The following TMF1 variants were observed in gnomAD, a reference collection of about 807,000 sequenced individuals.
TMF1 encodes the protein TATA element modulatory factor.
TMF1 carries 71 observed loss-of-function variants against 126.5 expected under a neutral mutation model. The ratio of observed to expected loss-of-function variants is 0.56; its 90% CI spans 0.46 to 0.68. The LOEUF is 0.68. Ranked by LOEUF, TMF1 falls within the 30% of genes least tolerant of loss-of-function variation. TMF1 has a pLI of 0.00. For missense variants in TMF1, 1,259 were observed against 1,253.2 expected (o/e 1.00, Z -0.07); for synonymous variants, 461 against 430.5 (o/e 1.07, Z -0.88).
chr3:69,045,806 T>G (rs2091892458), intron 2 of TMF1, among the ~76,000 whole-genome samples: 1 of 152,060 alleles, frequency 6.6e-6, no homozygotes, highest in Admixed American at 6.6e-5. Flanking sequence ...ATGCTTATAA[T>G]CCCAGCACTG....
At chr3:69,038,159 ATGATT>A (rs1325194382) in intron 8 of TMF1, among the ~76,000 whole-genome samples, 2 of 152,230 alleles carry the variant, frequency 1.3e-5, no homozygotes, top group African/African-American at 4.8e-5. Flanking sequence ...CCATCAACTG[ATGATT>A]TGATAAGACA....
chr3:69,038,750 T>C (rs2091846856), intron 7 of TMF1, 30 bp from the exon 8 acceptor site: 2 of 1,598,634 alleles, frequency 1.3e-6, no homozygotes, highest in Admixed American at 1.8e-5. Context: ...TTTATAAATG[T>C]TGCCAGTGAT....
chr3:69,031,010 C>T (rs974614669), intron 10 of TMF1, among the ~76,000 whole-genome samples: 1 of 152,120 alleles, frequency 6.6e-6, no homozygotes, highest in Non-Finnish European at 1.5e-5. Flanking sequence ...GTCCCTTGTG[C>T]AGTGAATGGT....
At chr3:69,024,305 T>TA in intron 15 of TMF1, 125 bp from the exon 16 acceptor site, 1 of 840,718 alleles carries the variant, frequency 1.2e-6, no homozygotes, top group Non-Finnish European at 1.7e-6. Context: ...TGTCAACATA[T>TA]AACCTTGAGC....
rs766738297 is a variant in TMF1 at position 69,038,877 on chromosome 3, G to A, written c.1960C>T (p.Arg654Ter). 7 of 1,609,918 alleles carry A rather than the reference G, an allele frequency of 4.3e-6. No homozygotes were observed. Among genetic ancestry groups the A allele is most frequent in the Admixed American group, 3.4e-5 (2 of 59,216 alleles). The change falls in exon 7 of 17, where the codon CGA (arginine) becomes TGA (stop). Residue 654 changes from arginine (R) to a stop codon, truncating the protein, a stop_gained. Transcript: ENST00000398559. LOFTEE classifies it high-confidence loss of function. ...VDMDELEEKNRSIQAALDSAY... is the reference protein window; with the variant it reads ...VDMDELEEKN ...CTATCCAGGGCAGCCTGAATACTTC[G>A]GTTCTTTTCTTCAAGTTCATCCATG...
intron 14 of TMF1, 72 bp downstream of exon 14, chr3:69,025,924 C>T (rs2091764787): frequency 3.0e-6 from 4 of 1,330,470 alleles, no homozygotes; most frequent in Admixed American, 1.9e-5. Context: ...TGATGACAGA[C>T]AATATTGCCA....
In TMF1 at chr3:69,047,817, G is replaced by A; in HGVS notation, c.888C>T (p.Leu296=). 2 of 1,614,068 alleles carry A rather than the reference G, an allele frequency of 1.2e-6. No individual in the cohort carries two copies. Among genetic ancestry groups the A allele is most frequent in the South Asian group, 2.2e-5 (2 of 91,078 alleles). ...LHLMQTSFQL[L]SASACPEYNR... is the part of the protein sequence containing the mutation. Reference sequence around the variant, plus strand: ...TATATTCAGGACAAGCAGATGCAGAGAGAAGCTGAAAAGATGTCTGCATCA... The same window carrying A: ...TATATTCAGGACAAGCAGATGCAGAAAGAAGCTGAAAAGATGTCTGCATCA... Residue 296 remains leucine (L), a synonymous_variant, in exon 2 of 17, where the codon CTC becomes CTT. Coordinates refer to ENST00000398559, the MANE Select transcript of TMF1 (RefSeq NM_007114.3).
rs1375399924 is a variant in TMF1 at position 69,047,893 on chromosome 3, C to T, written c.812G>A (p.Ser271Asn). ...AGTCTCTTGTCTCGAGCTCGCTGAG[C>T]TCTCACTTATTACACTTTCATGATC... ...VLDHESVISESSASSRQETTD... is the reference protein window; with the variant it reads ...VLDHESVISENSASSRQETTD... The change falls in exon 2 of 17, where the codon AGC (serine) becomes AAC (asparagine). Residue 271 changes from serine (S) to asparagine (N), a missense_variant. Transcript: ENST00000398559. The T allele has an allele frequency of 6.2e-7, 1 of 1,613,916 alleles. No individual in the cohort carries two copies. Among genetic ancestry groups the T allele is most frequent in the Non-Finnish European group, 8.5e-7 (1 of 1,180,014 alleles).
chr3:69,039,273 A>C (rs141271498), intron 6 of TMF1, among the ~76,000 whole-genome samples: 5 of 152,214 alleles, frequency 3.3e-5, no homozygotes, highest in Admixed American at 6.5e-5. Flanking sequence ...AGGTTGGTGC[A>C]GTATTTTTAG....
Position 69,048,160 on chromosome 3 carries a change from T to C in TMF1, c.545A>G (p.Asn182Ser). ...TGGCACCTTCATATCCGATTCTTTA[T>C]TAACAGTTTCTTCGTGCTTGCCTTC... ...KTEGKHEETV[N>S]KESDMKVPTV... is the part of the protein sequence containing the mutation. Residue 182 changes from asparagine to serine, a missense_variant, in exon 2 of 17, where the codon AAT becomes AGT. Asn to Ser is a conservative substitution (Grantham distance 46, BLOSUM62 1). Coordinates refer to ENST00000398559, the MANE Select transcript of TMF1 (RefSeq NM_007114.3). 1 of 1,614,234 alleles carries C rather than the reference T, an allele frequency of 6.2e-7. No individual in the cohort carries two copies. The highest frequency in any genetic ancestry group is 1.1e-5 in the South Asian group (1 of 91,088).
intron 6 of TMF1, among the ~76,000 whole-genome samples, 181 bp from the exon 7 acceptor site, chr3:69,039,190 A>G (rs958731208): frequency 1.3e-5 from 2 of 152,034 alleles, no homozygotes; most frequent in African/African-American, 4.8e-5. Context: ...GCTTCAGGCA[A>G]TTTTCGTGCC....
At chr3:69,038,518 A>G (rs897270842) in intron 8 of TMF1, 46 bp downstream of exon 8, 1 of 1,585,526 alleles carries the variant, frequency 6.3e-7, no homozygotes, top group Non-Finnish European at 8.6e-7. Context: ...GTAGAAGCAT[A>G]AACAAATATT....
rs1575807444 is a variant in TMF1, at chr3:69,025,711, T to C, written c.2861A>G (p.Asp954Gly). 1 of 1,610,836 alleles carries C rather than the reference T, an allele frequency of 6.2e-7. No homozygotes were observed. ...AGLQTSFLSQ[D>G]ESHDHSFGPM... is the part of the protein sequence containing the mutation. ...TCCAAATGAGTGATCATGAGACTCA[T>C]CCTATGTTAATTAAGAAAGTTCACA... The change falls in exon 15 of 17, where the codon GAT (aspartate) becomes GGT (glycine). Residue 954 changes from aspartate (D) to glycine (G), a missense_variant and splice_region_variant. Asp to Gly is a moderately conservative substitution (Grantham distance 94). Coordinates refer to ENST00000398559, the MANE Select transcript of TMF1 (RefSeq NM_007114.3).
chr3:69,042,352 T>C (rs1170378896), intron 5 of TMF1: 1 of 455,886 alleles, frequency 2.2e-6, no homozygotes, highest in African/African-American at 2.0e-5. Context: ...CTGTTTATTT[T>C]AAATCTTTTC....
At chr3:69,025,938 G>A in intron 14 of TMF1, 58 bp downstream of exon 14, 1 of 1,406,642 alleles carries the variant, frequency 7.1e-7, no homozygotes, top group East Asian at 2.3e-5. Context: ...ATTGCCATTT[G>A]CATATTTCCT....
At chr3:69,030,468 G>A (rs893273002) in intron 10 of TMF1, 2 of 152,412 alleles carry the variant, frequency 1.3e-5, no homozygotes, top group Admixed American at 1.3e-4. Context: ...GCCATAGAAA[G>A]AAAAACTGAC....
At chr3:69,030,975 G>C (rs113488852) in intron 10 of TMF1, among the ~76,000 whole-genome samples, 1 of 152,188 alleles carries the variant, frequency 6.6e-6, no homozygotes, top group Non-Finnish European at 1.5e-5. Flanking sequence ...ATCTGTAATA[G>C]CCAGAGCTTG....
In TMF1 at chr3:69,043,860, T is replaced by C; in HGVS notation, c.1468A>G (p.Lys490Glu). 1 of 1,606,798 alleles carries C rather than the reference T, an allele frequency of 6.2e-7. No individual in the cohort carries two copies. The highest frequency in any genetic ancestry group is 8.5e-7 in the Non-Finnish European group (1 of 1,176,994). Residue 490 changes from lysine (K) to glutamate (E), a missense_variant, in exon 4 of 17, where the codon AAA becomes GAA. Lys to Glu is a moderately conservative substitution (Grantham distance 56). Transcript: ENST00000398559. ...GAAGAAATGCTACTGCTTTCTTCTT[T>C]CACTCTGAACATTTCACTAAATTTA... is the stretch of plus-strand genomic sequence containing the variant. ...DNLKDEMFRV[K>E]EESSSISSLK...
At chr3:69,028,998 A>T (rs2091784397) in intron 11 of TMF1, among the ~76,000 whole-genome samples, 1 of 152,114 alleles carries the variant, frequency 6.6e-6, no homozygotes, top group Non-Finnish European at 1.5e-5. Flanking sequence ...ATGACAATGA[A>T]TCCCAGTACT....
Sources: gnomAD v4.1 joint callset for allele counts (sites outside exome capture counted in the v4.1 genomes callset) on GRCh38, gnomAD v4.1.1 for gene constraint, MANE v1.5 for transcripts, NCBI Gene and HGNC (gene_info 2026-07-23, HGNC 2026-07-21) for gene names.